The following ZNF532 variants were observed in gnomAD, a reference collection of about 807,000 sequenced individuals.
ZNF532 encodes zinc finger protein 532.
A neutral mutation model predicts 89.3 loss-of-function variants in ZNF532; 22 were observed. The observed-to-expected ratio is 0.25, with a 90% CI of 0.18 to 0.35. ZNF532 has a LOEUF of 0.35. Ranked by LOEUF, ZNF532 falls within the 10% of genes least tolerant of loss-of-function variation. The pLI, the probability that ZNF532 is intolerant of heterozygous loss-of-function variation, is 1.00. For synonymous variants in ZNF532, 606 were observed against 649.6 expected (o/e 0.93, Z 1.02); for missense variants, 1,132 against 1,643.4 (o/e 0.69, Z 5.38).
intron 3 of ZNF532, among the ~76,000 whole-genome samples, chr18:58,922,480 C>T (rs1035800904): frequency 5.3e-5 from 8 of 152,122 alleles, no homozygotes; most frequent in African/African-American, 1.4e-4. Context: ...TTGGCTCTGG[C>T]AGTAAAATGC....
At chr18:58,914,593 T>C (rs1453192572) in intron 2 of ZNF532, among the ~76,000 whole-genome samples, 1 of 152,142 alleles carries the variant, frequency 6.6e-6, no homozygotes, top group Non-Finnish European at 1.5e-5. Context: ...GGCAGGAGAA[T>C]TGCTTGAACC....
intron 7 of ZNF532, among the ~76,000 whole-genome samples, chr18:58,976,547 A>G (rs1481593364): frequency 6.6e-6 from 1 of 150,474 alleles, no homozygotes; most frequent in Non-Finnish European, 1.5e-5. Flanking sequence ...CTTTCAGTTG[A>G]TTTTTTTTTT....
intron 2 of ZNF532, among the ~76,000 whole-genome samples, chr18:58,901,583 C>G (rs2059603571): frequency 1.3e-5 from 2 of 152,162 alleles, no homozygotes; most frequent in South Asian, 4.1e-4. Context: ...TTGGAGAGCA[C>G]TGGTGTGGGT....
intron 2 of ZNF532, among the ~76,000 whole-genome samples, chr18:58,892,122 C>T (rs1371100903): frequency 1.3e-5 from 2 of 151,818 alleles, no homozygotes; most frequent in African/African-American, 4.9e-5. Context: ...GTCTCCATTT[C>T]TCTCATCTTT....
At chr18:58,878,482 A>G (rs1568222014) in intron 2 of ZNF532, among the ~76,000 whole-genome samples, 2 of 152,198 alleles carry the variant, frequency 1.3e-5, no homozygotes, top group African/African-American at 2.4e-5. Context: ...AAGGACTACC[A>G]TGGAATGAAT....
chr18:58,979,114 G>A lies in ZNF532; in HGVS notation c.3210G>A (p.Leu1070=). ...CDKSFSSSHS[L]CRHNRIKHKG... Reference sequence around the variant, plus strand: ...AGTCTTTCAGCTCGTCCCACAGCCTGTGCCGGCACAACCGGATCAAGCACA... The same window carrying A: ...AGTCTTTCAGCTCGTCCCACAGCCTATGCCGGCACAACCGGATCAAGCACA... The change falls in exon 8 of 10, where the codon CTG becomes CTA. Residue 1070 remains leucine, a synonymous_variant. Coordinates refer to ENST00000591808, the MANE Select transcript of ZNF532 (RefSeq NM_001375912.1). 4.3e-6 allele frequency: 7 copies of A among 1,613,492 alleles called. No homozygotes were observed. Among genetic ancestry groups the A allele is most frequent in the Non-Finnish European group, 5.9e-6 (7 of 1,179,454 alleles).
intron 2 of ZNF532, among the ~76,000 whole-genome samples, chr18:58,913,576 C>A (rs942307283): frequency 9.3e-5 from 14 of 151,266 alleles, no homozygotes; most frequent in African/African-American, 3.4e-4. Context: ...CATAGTGAGA[C>A]CCCATCCTAA....
intron 5 of ZNF532, among the ~76,000 whole-genome samples, chr18:58,941,963 T>TCCCTCCCTCC (rs1185416179): frequency 2.8e-5 from 3 of 106,582 alleles, no homozygotes; most frequent in Non-Finnish European, 5.9e-5. Flanking sequence ...TCCCTCCCTC[T>TCCCTCCCTCC]CTCCCTCCCT....
chr18:58,957,400 AAAATACATAT>A (rs1215092185), intron 7 of ZNF532, among the ~76,000 whole-genome samples: 1 of 76,796 alleles, frequency 1.3e-5, no homozygotes, highest in Non-Finnish European at 2.4e-5. Flanking sequence ...ATTATGACTT[AAAATACATAT>A]ATATATATAT....
chr18:58,902,583 C>G (rs1420008454), intron 2 of ZNF532, among the ~76,000 whole-genome samples: 1 of 151,574 alleles, frequency 6.6e-6, no homozygotes, highest in Non-Finnish European at 1.5e-5. Context: ...GCCTCCACCT[C>G]CCGGGTTCAA....
intron 6 of ZNF532, among the ~76,000 whole-genome samples, chr18:58,949,662 C>G (rs1021074237): frequency 1.3e-5 from 2 of 152,148 alleles, no homozygotes; most frequent in African/African-American, 4.8e-5. Flanking sequence ...GGCGACAGAG[C>G]AAGACTCCGT....
intron 2 of ZNF532, chr18:58,916,818 A>T: frequency 1.4e-6 from 1 of 737,778 alleles, no homozygotes; most frequent in Non-Finnish European, 1.7e-6. Context: ...CTGAGTAGAA[A>T]TTCTCTCTTG....
At position 58,985,307 on chromosome 18, in the gene ZNF532, C is replaced by T. The variant is rs1053818221; in HGVS notation, c.*841C>T. On this transcript the variant is annotated 3_prime_UTR_variant, in exon 10 of 10. Coordinates refer to ENST00000591808, the MANE Select transcript of ZNF532 (RefSeq NM_001375912.1). Reference sequence around the variant, plus strand: ...TAAAAGTTACAAATACGTAGTTAGACCAATAGATTTATATAGTCAGGTTTT... The same window carrying T: ...TAAAAGTTACAAATACGTAGTTAGATCAATAGATTTATATAGTCAGGTTTT... The T allele has an allele frequency of 4.6e-5, 7 of 152,446 alleles. No homozygotes were observed. Among genetic ancestry groups the T allele is most frequent in the African/African-American group, 7.2e-5 (3 of 41,408 alleles). The allele number at this position is 152,446 out of a possible 1,614,324, so 9.4% of individuals were successfully genotyped here.
At position 58,918,850 on chromosome 18, in the gene ZNF532, G is replaced by C; in HGVS notation, c.563G>C (p.Gly188Ala). ...GGAGGGGAAAACTCCAGCAAAACTG[G>C]ACTCTCTACGTCAGGCAATGTGGAG... is the stretch of plus-strand genomic sequence containing the variant. Reference protein sequence around the residue: ...ALGGENSSKTGLSTSGNVEKN... With the variant: ...ALGGENSSKTALSTSGNVEKN... Residue 188 changes from glycine (G) to alanine (A), a missense_variant, in exon 3 of 10, where the codon GGA (glycine) becomes GCA (alanine). Physicochemically the swap from Gly to Ala is moderately conservative, Grantham distance 60 (BLOSUM62 0). Around this residue, in one of 9 missense-constraint regions of ZNF532, gnomAD observed 302 missense variants for 319.8 expected, o/e 0.94. Coordinates refer to ENST00000591808, the MANE Select transcript of ZNF532 (RefSeq NM_001375912.1). 1 of 1,614,180 alleles carries C rather than the reference G, an allele frequency of 6.2e-7. No individual in the cohort carries two copies. Among genetic ancestry groups the C allele is most frequent in the Non-Finnish European group, 8.5e-7 (1 of 1,180,046 alleles).
At chr18:58,939,845 C>G (rs1026668252) in intron 5 of ZNF532, 1 of 366,414 alleles carries the variant, frequency 2.7e-6, no homozygotes, top group Admixed American at 4.3e-5. Context: ...ATGCTCTTGT[C>G]ACGAATTTTT....
intron 3 of ZNF532, among the ~76,000 whole-genome samples, chr18:58,932,898 G>A (rs1262997413): frequency 6.6e-6 from 1 of 150,980 alleles, no homozygotes; most frequent in Non-Finnish European, 1.5e-5. Flanking sequence ...ATGTGTGTGT[G>A]TATATATATA....
At chr18:58,925,475 A>G (rs544664469) in intron 3 of ZNF532, among the ~76,000 whole-genome samples, 17 of 152,256 alleles carry the variant, frequency 1.1e-4, no homozygotes, top group African/African-American at 4.1e-4. Flanking sequence ...TGCTTTTACA[A>G]CAGATCAATT....
At chr18:58,899,597 T>G (rs1489862525) in intron 2 of ZNF532, among the ~76,000 whole-genome samples, 1 of 152,146 alleles carries the variant, frequency 6.6e-6, no homozygotes, top group Non-Finnish European at 1.5e-5. Context: ...GCCTCCTGAG[T>G]AGCTGAGACT....
At chr18:58,868,368 G>C (rs2056668721) in intron 2 of ZNF532, among the ~76,000 whole-genome samples, 1 of 152,164 alleles carries the variant, frequency 6.6e-6, no homozygotes, top group Non-Finnish European at 1.5e-5. Context: ...TTACTCTGTG[G>C]TGTACCGTTC....
Sources: gnomAD v4.1 joint callset for allele counts (sites outside exome capture counted in the v4.1 genomes callset) on GRCh38, gnomAD v4.1.1 for gene constraint, gnomAD v4.1.1 regional missense constraint, MANE v1.5 for transcripts, NCBI Gene and HGNC (gene_info 2026-07-23, HGNC 2026-07-21) for gene names.